Variants in FGF14 observed in about 807,000 individuals in gnomAD.
The protein encoded by FGF14 is fibroblast growth factor 14.
Under a neutral mutation model 25.5 loss-of-function variants are expected in FGF14, and 5 were observed. The observed-to-expected ratio is 0.20, with a 90% CI of 0.10 to 0.41. FGF14 has a LOEUF of 0.41. Among genes scored for constraint, FGF14 ranks in the 10% least tolerant of loss-of-function variants. The pLI is 1.00. For missense variants in FGF14, 222 were observed against 320.1 expected, an observed-to-expected ratio of 0.69 and a Z score of 2.34; for synonymous variants, 138 against 118.3, an observed-to-expected ratio of 1.17 and a Z score of -1.08.
chr13:101,855,908 T>TA (rs1474904459), intron 3 of FGF14, among the ~76,000 whole-genome samples: 2 of 151,574 alleles, frequency 1.3e-5, no homozygotes, highest in African/African-American at 4.8e-5. Flanking sequence ...TACAAGTTTT[T>TA]TTTTTTTTTA....
At chr13:102,369,685 T>C (rs1003095585) in intron 1 of FGF14, among the ~76,000 whole-genome samples, 3 of 152,132 alleles carry the variant, frequency 2.0e-5, no homozygotes, top group Admixed American at 6.5e-5. Context: ...CCTCCCTTAA[T>C]ACACCCATGT....
intron 1 of FGF14, among the ~76,000 whole-genome samples, chr13:102,105,892 T>C (rs1382328874): frequency 2.0e-5 from 3 of 152,214 alleles, no homozygotes; most frequent in African/African-American, 4.8e-5. Context: ...CATTATCTAT[T>C]AATTATTATC....
At chr13:102,046,704 C>T (rs2041999989) in intron 1 of FGF14, among the ~76,000 whole-genome samples, 1 of 152,184 alleles carries the variant, frequency 6.6e-6, no homozygotes, top group African/African-American at 2.4e-5. Context: ...TACTTTATCA[C>T]ATCTTCAGAA....
chr13:101,723,010 G>A (rs971893845), intron 4 of FGF14, 43 bp from the exon 5 acceptor site: 6 of 1,611,694 alleles, frequency 3.7e-6, no homozygotes, highest in African/African-American at 2.7e-5. Context: ...AACATTGCTT[G>A]GTTAGGTGTG....
At position 101,970,450 on chromosome 13, in the gene FGF14, CT is replaced by C. The variant is rs563122526; in HGVS notation, c.209-95155del. ...TGCAGATTAATCAAATATTCAGATCCTGGGATCTGCTTCCGCTCAGAAAACA... is the reference window on the plus strand; with the variant it reads ...TGCAGATTAATCAAATATTCAGATCCGGGATCTGCTTCCGCTCAGAAAACA... On this transcript the variant is annotated intron_variant, in intron 1 of 4. Transcript: ENST00000376131. 1.5e-3 allele frequency among the ~76,000 whole-genome samples: 224 copies of C among 152,260 alleles called. 1 individual carries two copies. Among genetic ancestry groups the C allele is most frequent in the Middle Eastern group, 6.8e-3 (2 of 292 alleles).
At chr13:102,239,197 C>T (rs1462535095) in intron 1 of FGF14, among the ~76,000 whole-genome samples, 1 of 152,180 alleles carries the variant, frequency 6.6e-6, no homozygotes, top group Non-Finnish European at 1.5e-5. Flanking sequence ...GTCTATTACC[C>T]AGTTACTGTA....
chr13:102,275,262 T>TCTCTCTCTCTCTC (rs1555391875), intron 1 of FGF14, among the ~76,000 whole-genome samples: 1,088 of 68,928 alleles, frequency 0.016, 120 homozygotes, highest in Non-Finnish European at 0.022. Context: ...CTCTCTCTCT[T>TCTCTCTCTCTCTC]TCTCTCTCTC....
chr13:102,352,613 C>T (rs930436810), intron 1 of FGF14, among the ~76,000 whole-genome samples: 4 of 151,976 alleles, frequency 2.6e-5, no homozygotes, highest in African/African-American at 7.2e-5. Context: ...GAGATCGAGA[C>T]CATTCTGGCT....
At chr13:102,209,603 A>G (rs1476834667) in intron 1 of FGF14, among the ~76,000 whole-genome samples, 1 of 152,202 alleles carries the variant, frequency 6.6e-6, no homozygotes, top group Non-Finnish European at 1.5e-5. Flanking sequence ...AGAGGCAGCT[A>G]TAAGCTATCA....
intron 1 of FGF14, among the ~76,000 whole-genome samples, chr13:102,243,653 A>AT (rs776765068): frequency 0.11 from 7,194 of 66,976 alleles, 231 homozygotes; most frequent in Middle Eastern, 0.23. Flanking sequence ...GACTTTGGGC[A>AT]TGTTTTTTTT....
chr13:102,347,019 G>T, intron 1 of FGF14, among the ~76,000 whole-genome samples: 1 of 152,140 alleles, frequency 6.6e-6, no homozygotes, highest in Non-Finnish European at 1.5e-5. Flanking sequence ...TAGCCAGCAT[G>T]GTAGGAGGTC....
At chr13:101,870,857 GC>G (rs972453509) in intron 2 of FGF14, among the ~76,000 whole-genome samples, 116 of 152,198 alleles carry the variant, frequency 7.6e-4, no homozygotes, top group African/African-American at 2.7e-3. Flanking sequence ...GGAGGCTGAG[GC>G]AGGAGAATTG....
chr13:101,752,611 T>C (rs566602583), intron 3 of FGF14, among the ~76,000 whole-genome samples: 1 of 152,316 alleles, frequency 6.6e-6, no homozygotes, highest in South Asian at 2.1e-4. Context: ...CTGCATTGGC[T>C]TACGCAGTGG....
intron 1 of FGF14, among the ~76,000 whole-genome samples, chr13:102,255,335 T>C (rs189039412): frequency 6.6e-6 from 1 of 152,092 alleles, no homozygotes; most frequent in Non-Finnish European, 1.5e-5. Context: ...CCACAAAACA[T>C]GAACCAAAAA....
At chr13:102,322,158 C>T (rs368115094) in intron 1 of FGF14, among the ~76,000 whole-genome samples, 41 of 152,314 alleles carry the variant, frequency 2.7e-4, no homozygotes, top group African/African-American at 9.9e-4. Flanking sequence ...ACTAAACACA[C>T]CTACATATTG....
intron 1 of FGF14, among the ~76,000 whole-genome samples, chr13:102,238,577 T>A (rs1208104852): frequency 6.6e-6 from 1 of 152,242 alleles, no homozygotes; most frequent in Non-Finnish European, 1.5e-5. Context: ...TATAATAATG[T>A]ACATATTTAT....
In FGF14 at chr13:101,956,133, T is replaced by C. The variant is rs570373808; in HGVS notation, c.209-80837A>G. Among the ~76,000 whole-genome samples, 33 of 152,352 alleles carry C rather than the reference T, an allele frequency of 2.2e-4. 1 individual carries two copies. Among genetic ancestry groups the C allele is most frequent in the African/African-American group, 7.7e-4 (32 of 41,588 alleles). On this transcript the variant is annotated intron_variant, in intron 1 of 4. Coordinates refer to the FGF14 transcript ENST00000376131. The stretch of plus-strand genomic sequence containing the variant: ...GCAACTCTCTGAGGAAGCAAGTCAA[T>C]TCTACTAGTTTCCCAGGCATGAGGC...
intron 1 of FGF14, among the ~76,000 whole-genome samples, chr13:102,227,598 A>G (rs2050885071): frequency 6.6e-6 from 1 of 152,174 alleles, no homozygotes; most frequent in Admixed American, 6.6e-5. Flanking sequence ...TCTACATCAC[A>G]CAACTCTATG....
upstream of FGF14, among the ~76,000 whole-genome samples, chr13:101,919,469 T>A (rs2139155053): frequency 6.6e-6 from 1 of 152,038 alleles, no homozygotes; most frequent in Non-Finnish European, 1.5e-5. Context: ...TTAAGCTTCT[T>A]GTTCTTATAG....
Sources: gnomAD v4.1 joint callset for allele counts (sites outside exome capture counted in the v4.1 genomes callset) on GRCh38, gnomAD v4.1.1 for gene constraint, MANE v1.5 for transcripts, NCBI Gene and HGNC (gene_info 2026-07-23, HGNC 2026-07-21) for gene names.